The following RPS6KC1 variants were observed in gnomAD, a reference collection of about 807,000 sequenced individuals.
RPS6KC1 encodes ribosomal protein S6 kinase C1.
Under a neutral mutation model 103.8 loss-of-function variants are expected in RPS6KC1, and 54 were observed. The ratio of observed to expected loss-of-function variants is 0.52; its 90% CI spans 0.42 to 0.65. The LOEUF (loss-of-function observed/expected upper bound fraction) is 0.65, where lower values mean the gene tolerates loss of function less well. Among genes scored for constraint, RPS6KC1 ranks in the 30% least tolerant of loss-of-function variants. RPS6KC1 has a pLI of 0.00. For missense variants in RPS6KC1, 1,151 were observed against 1,253.8 expected (o/e 0.92, Z 1.24); for synonymous variants, 439 against 438.7 (o/e 1.00, Z -0.01).
the RPS6KC1 span, among the ~76,000 whole-genome samples, chr1:213,426,736 G>A: frequency 6.6e-6 from 1 of 152,134 alleles, no homozygotes; most frequent in Non-Finnish European, 1.5e-5. Context: ...CTAACACAGT[G>A]ATGAATTTTG....
At chr1:213,472,931 G>T in the RPS6KC1 span, among the ~76,000 whole-genome samples, 1 of 152,208 alleles carries the variant, frequency 6.6e-6, no homozygotes, top group Non-Finnish European at 1.5e-5. Flanking sequence ...ATATCAGAAG[G>T]TAAACATCCC....
chr1:213,425,931 G>A, the RPS6KC1 span, among the ~76,000 whole-genome samples: 9 of 152,182 alleles, frequency 5.9e-5, no homozygotes, highest in Non-Finnish European at 8.8e-5. Context: ...GGAGACGCTT[G>A]GGTTGAGGGA....
chr1:213,733,346 T>A, the RPS6KC1 span, among the ~76,000 whole-genome samples: 1 of 151,928 alleles, frequency 6.6e-6, no homozygotes, highest in Non-Finnish European at 1.5e-5. Flanking sequence ...CTCAAGTTAT[T>A]CTCCCACCTC....
At chr1:213,603,980 A>G in the RPS6KC1 span, among the ~76,000 whole-genome samples, 1 of 152,140 alleles carries the variant, frequency 6.6e-6, no homozygotes, top group South Asian at 2.1e-4. Flanking sequence ...GGGGAGATCA[A>G]TTTCTCCTAT....
At chr1:213,227,625 T>C (rs2093990106) in intron 8 of RPS6KC1, among the ~76,000 whole-genome samples, 1 of 152,188 alleles carries the variant, frequency 6.6e-6, no homozygotes, top group African/African-American at 2.4e-5. Context: ...CTCTGTTTCT[T>C]TGCTGGCTGT....
At position 213,104,578 on chromosome 1, in the gene RPS6KC1, G is replaced by T; in HGVS notation, c.378+9G>T. 7.0e-7 allele frequency: 1 copy of T among 1,426,138 alleles called. No individual in the cohort carries two copies. Among genetic ancestry groups the T allele is most frequent in the South Asian group, 1.2e-5 (1 of 81,094 alleles). The allele number at this position is 1,426,138 out of a possible 1,614,324, so 88.3% of individuals were successfully genotyped here. A position where few individuals can be genotyped will look rare whatever the true frequency, so the allele number is the denominator to read the frequency against. On this transcript the variant is annotated intron_variant, in intron 4 of 14. Coordinates refer to ENST00000366960, the MANE Select transcript of RPS6KC1 (RefSeq NM_012424.6). ...TTGAAGACTTTTTCAAGGTTTGGTA[G>T]TCTTTCTGGAATATTTTATATCTTA...
the RPS6KC1 span, among the ~76,000 whole-genome samples, chr1:213,423,876 T>C: frequency 6.6e-6 from 1 of 152,334 alleles, no homozygotes; most frequent in East Asian, 1.9e-4. Flanking sequence ...ATTAGCGCGA[T>C]GTGAGCATTT....
intron 5 of RPS6KC1, among the ~76,000 whole-genome samples, chr1:213,123,210 G>A (rs761824841): frequency 6.6e-6 from 1 of 152,090 alleles, no homozygotes; most frequent in Non-Finnish European, 1.5e-5. Flanking sequence ...AGACATATTT[G>A]GTATAGAAAA....
At chr1:213,427,976 T>C in the RPS6KC1 span, among the ~76,000 whole-genome samples, 27 of 152,216 alleles carry the variant, frequency 1.8e-4, no homozygotes, top group Non-Finnish European at 3.5e-4. Flanking sequence ...TTCTGTGCTG[T>C]GGGGTTGACT....
chr1:213,487,615 G>A, the RPS6KC1 span, among the ~76,000 whole-genome samples: 1 of 152,002 alleles, frequency 6.6e-6, no homozygotes, highest in Non-Finnish European at 1.5e-5. Context: ...GCCCTTACAG[G>A]GGGGCATAGT....
the RPS6KC1 span, among the ~76,000 whole-genome samples, chr1:213,691,675 A>G: frequency 6.6e-6 from 1 of 152,184 alleles, no homozygotes; most frequent in Non-Finnish European, 1.5e-5. Flanking sequence ...GAAAAGATCT[A>G]GGGAACAACA....
chr1:213,597,449 G>A, the RPS6KC1 span, among the ~76,000 whole-genome samples: 1 of 152,166 alleles, frequency 6.6e-6, no homozygotes, highest in Middle Eastern at 3.2e-3. Context: ...CAGAGAAGGT[G>A]ATGTGAAGAA....
chr1:213,630,246 A>G, the RPS6KC1 span, among the ~76,000 whole-genome samples: 1 of 152,106 alleles, frequency 6.6e-6, no homozygotes, highest in Non-Finnish European at 1.5e-5. Flanking sequence ...TGGTCTTTTC[A>G]CATAGTCCCA....
chr1:213,635,096 C>G, the RPS6KC1 span, among the ~76,000 whole-genome samples: 9 of 152,108 alleles, frequency 5.9e-5, no homozygotes, highest in African/African-American at 2.2e-4. Context: ...TCTGAATAGA[C>G]CAATAACAGG....
chr1:213,498,357 ATAAT>A, the RPS6KC1 span, among the ~76,000 whole-genome samples: 1 of 152,346 alleles, frequency 6.6e-6, no homozygotes, highest in African/African-American at 2.4e-5. Flanking sequence ...ATCTCTTAAT[ATAAT>A]TAATCACAAT....
At chr1:213,384,683 G>A in the RPS6KC1 span, among the ~76,000 whole-genome samples, 1 of 152,128 alleles carries the variant, frequency 6.6e-6, no homozygotes, top group African/African-American at 2.4e-5. Context: ...CCCCCAGGAG[G>A]CCACCCCATC....
intron 2 of RPS6KC1, among the ~76,000 whole-genome samples, chr1:213,075,093 C>T (rs1395518883): frequency 4.0e-5 from 6 of 151,864 alleles, no homozygotes; most frequent in South Asian, 2.1e-4. Context: ...CCTCATGATC[C>T]GCCCGCCTTG....
chr1:213,072,830 G>A (rs1390360971), intron 2 of RPS6KC1: 1 of 351,566 alleles, frequency 2.8e-6, no homozygotes, highest in African/African-American at 2.2e-5. Flanking sequence ...TTGTCTGATT[G>A]CTGTGCTGTA....
the RPS6KC1 span, among the ~76,000 whole-genome samples, chr1:213,746,633 G>T: frequency 6.6e-6 from 1 of 152,168 alleles, no homozygotes; most frequent in Admixed American, 6.5e-5. Context: ...TGTAAAATTT[G>T]GGAGGCTGTA....
Sources: allele counts gnomAD v4.1 joint callset (sites outside exome capture counted in the v4.1 genomes callset), GRCh38; gene constraint gnomAD v4.1.1; transcripts MANE v1.5; gene names NCBI Gene and HGNC (gene_info 2026-07-23, HGNC 2026-07-21).